VPS13D: variants seen among roughly 807,000 people sequenced by gnomAD.
VPS13D encodes vacuolar protein sorting 13 homolog D.
In VPS13D, 187 loss-of-function variants were observed where a neutral mutation model predicts 461.9. The ratio of observed to expected loss-of-function variants is 0.40; its 90% CI spans 0.36 to 0.46. The LOEUF (loss-of-function observed/expected upper bound fraction) is 0.46, where lower values mean the gene tolerates loss of function less well. Ranked by LOEUF, VPS13D falls within the 20% of genes least tolerant of loss-of-function variation. The pLI is 0.60. For synonymous variants in VPS13D, 1,951 were observed against 1,986.3 expected (o/e 0.98, Z 0.47); for missense variants, 4,711 against 5,364.9 (o/e 0.88, Z 3.81).
intron 65 of VPS13D, among the ~76,000 whole-genome samples, chr1:12,431,403 A>G (rs1644990157): frequency 6.6e-6 from 1 of 150,952 alleles, no homozygotes; most frequent in East Asian, 1.9e-4. Context: ...AAGGTTCTCA[A>G]AGCTAATTAG....
chr1:12,455,860 G>C, intron 65 of VPS13D, 138 bp from the exon 66 acceptor site: 1 of 1,087,876 alleles, frequency 9.2e-7, no homozygotes, highest in South Asian at 2.4e-5. Flanking sequence ...CGGAGGTTGT[G>C]ATGAGATGAG....
rs778450721 is a variant in VPS13D at position 12,271,139 on chromosome 1, A to G, written c.2103+15A>G. The G allele has an allele frequency of 6.2e-6, 10 of 1,613,846 alleles. No homozygotes were observed. The highest frequency in any genetic ancestry group is 4.4e-5 in the South Asian group (4 of 91,084). On this transcript the variant is annotated intron_variant, in intron 17 of 69. Coordinates refer to ENST00000620676, the MANE Select transcript of VPS13D (RefSeq NM_015378.4). Reference sequence around the variant, plus strand: ...GTGATTTCATTGTAAGTGGGCATCCATAAACACTCTTTGGGGATTGGGGAA... The same window carrying G: ...GTGATTTCATTGTAAGTGGGCATCCGTAAACACTCTTTGGGGATTGGGGAA...
chr1:12,496,531 C>T (rs1203580266), intron 67 of VPS13D, among the ~76,000 whole-genome samples: 1 of 152,206 alleles, frequency 6.6e-6, no homozygotes, highest in African/African-American at 2.4e-5. Flanking sequence ...TAAGGCTTCT[C>T]CTCTCTTTTA....
intron 26 of VPS13D, among the ~76,000 whole-genome samples, chr1:12,306,628 G>A (rs890599180): frequency 2.0e-5 from 3 of 152,128 alleles, no homozygotes; most frequent in African/African-American, 7.2e-5. Flanking sequence ...ATGATACATT[G>A]TCTTGGATTA....
rs754943517 is a variant in VPS13D at position 12,283,101 on chromosome 1, G to A, written c.4999G>A (p.Ala1667Thr). The A allele has an allele frequency of 6.2e-7, 1 of 1,614,120 alleles. No individual in the cohort carries two copies. Among genetic ancestry groups the A allele is most frequent in the East Asian group, 2.2e-5 (1 of 44,890 alleles). Residue 1667 changes from alanine (A) to threonine (T), a missense_variant, in exon 21 of 70, where the codon GCC becomes ACC. Physicochemically the swap from Ala to Thr is moderately conservative, Grantham distance 58. Coordinates refer to ENST00000620676, the MANE Select transcript of VPS13D (RefSeq NM_015378.4). Reference sequence around the variant, plus strand: ...TCCCCAGACTTTATCTATTCAGATTGCCCTGCATTCTCTGCTGATGGAGGA... The same window carrying A: ...TCCCCAGACTTTATCTATTCAGATTACCCTGCATTCTCTGCTGATGGAGGA... The part of the protein sequence containing the change: ...DHPQTLSIQI[A>T]LHSLLMEDLL...
intron 1 of VPS13D, among the ~76,000 whole-genome samples, chr1:12,230,784 C>A (rs1040025846): frequency 2.6e-5 from 4 of 151,952 alleles, no homozygotes; most frequent in Non-Finnish European, 5.9e-5. Flanking sequence ...CCTTTTACCC[C>A]CCAGGGTCAC....
At chr1:12,302,059 C>T (rs1467195305) in intron 25 of VPS13D, among the ~76,000 whole-genome samples, 2 of 152,224 alleles carry the variant, frequency 1.3e-5, no homozygotes, top group Admixed American at 1.3e-4. Context: ...TCCTAGAATA[C>T]AAGCCTGTAC....
intron 37 of VPS13D, among the ~76,000 whole-genome samples, chr1:12,332,867 A>C (rs750129217): frequency 6.6e-6 from 1 of 152,210 alleles, no homozygotes; most frequent in Non-Finnish European, 1.5e-5. Flanking sequence ...GCTATTTAAG[A>C]CACTTTATTA....
chr1:12,459,244 A>G (rs1222169665), intron 66 of VPS13D, among the ~76,000 whole-genome samples: 3 of 152,220 alleles, frequency 2.0e-5, no homozygotes, highest in Non-Finnish European at 4.4e-5. Context: ...TTGACTCCAC[A>G]CAAATGAAGT....
chr1:12,431,374 A>G (rs1276927740), intron 65 of VPS13D, among the ~76,000 whole-genome samples: 1 of 151,402 alleles, frequency 6.6e-6, no homozygotes, highest in African/African-American at 2.4e-5. Context: ...AATTATAGGT[A>G]GAGAAACTGA....
Position 12,404,177 on chromosome 1 carries a change from A to C in VPS13D, c.12030+204A>C, listed in dbSNP as rs971808919. Among the ~76,000 whole-genome samples, 6 of 152,122 alleles carry C rather than the reference A, an allele frequency of 3.9e-5. No homozygotes were observed. In the East Asian group the frequency reaches 7.7e-4, roughly 20 times the overall value. On this transcript the variant is annotated intron_variant, in intron 63 of 69. Coordinates refer to ENST00000620676, the MANE Select transcript of VPS13D (RefSeq NM_015378.4). ...CGTGTATTTGTCTTTAAAAAAAAAA[A>C]AAAAACGAAACTTAAATACGACATT...
chr1:12,230,322 C>T (rs986295047), intron 1 of VPS13D, among the ~76,000 whole-genome samples: 1 of 152,130 alleles, frequency 6.6e-6, no homozygotes, highest in Non-Finnish European at 1.5e-5. Context: ...TCTGCTCCCC[C>T]CGGGCCCCAA....
chr1:12,349,395 G>A (rs2101589905), intron 46 of VPS13D, 21 bp downstream of exon 46: 2 of 1,605,826 alleles, frequency 1.2e-6, no homozygotes, highest in East Asian at 4.5e-5. Flanking sequence ...CCACTGCAGT[G>A]ACATGTCACT....
intron 51 of VPS13D, 109 bp downstream of exon 51, chr1:12,362,959 C>A: frequency 6.3e-7 from 1 of 1,581,508 alleles, no homozygotes; most frequent in South Asian, 1.2e-5. Flanking sequence ...TGCTCTGTGC[C>A]TTTGGTACCC....
At chr1:12,400,027 C>T (rs1486119101) in intron 60 of VPS13D, among the ~76,000 whole-genome samples, 154 bp from the exon 61 acceptor site, 1 of 152,130 alleles carries the variant, frequency 6.6e-6, no homozygotes, top group African/African-American at 2.4e-5. Context: ...TTTATTATGA[C>T]TGCCCTTTTG....
At chr1:12,464,240 A>G (rs1039318541) in intron 67 of VPS13D, among the ~76,000 whole-genome samples, 2 of 152,160 alleles carry the variant, frequency 1.3e-5, no homozygotes, top group African/African-American at 4.8e-5. Context: ...GGACTAACAA[A>G]TGATTTGAAG....
intron 39 of VPS13D, chr1:12,337,875 A>AT: frequency 5.2e-6 from 1 of 191,862 alleles, no homozygotes; most frequent in East Asian, 1.2e-4. Context: ...GTACTGATGG[A>AT]TTTTTGTAAC....
At chr1:12,283,944 G>A (rs1641887514) in intron 21 of VPS13D, among the ~76,000 whole-genome samples, 1 of 152,218 alleles carries the variant, frequency 6.6e-6, no homozygotes, top group Non-Finnish European at 1.5e-5. Flanking sequence ...GGGAAAATAA[G>A]TGGTTTAAGA....
intron 65 of VPS13D, among the ~76,000 whole-genome samples, chr1:12,451,988 G>A (rs900733873): frequency 1.3e-5 from 2 of 152,158 alleles, no homozygotes; most frequent in East Asian, 1.9e-4. Context: ...ACAGAGGCCC[G>A]CAAAGGTTAC....
Sources: allele counts gnomAD v4.1 joint callset (sites outside exome capture counted in the v4.1 genomes callset), GRCh38; gene constraint gnomAD v4.1.1; transcripts MANE v1.5; gene names NCBI Gene and HGNC (gene_info 2026-07-23, HGNC 2026-07-21).